Variants in RANBP2 observed in about 807,000 individuals in gnomAD.
RANBP2 encodes the protein RAN binding protein 2.
In RANBP2, 57 loss-of-function variants were observed where a neutral mutation model predicts 303.6. The observed-to-expected ratio is 0.19, with a 90% CI of 0.15 to 0.23. The LOEUF (loss-of-function observed/expected upper bound fraction) is 0.23. Among genes scored for constraint, RANBP2 ranks in the 10% least tolerant of loss-of-function variants. The pLI, the probability that RANBP2 is intolerant of heterozygous loss-of-function variation, is 1.00. For missense variants in RANBP2, 3,138 were observed against 3,780.8 expected (o/e 0.83, Z 4.46); for synonymous variants, 1,167 against 1,301.5 (o/e 0.90, Z 2.23).
the RANBP2 span, among the ~76,000 whole-genome samples, chr2:109,369,772 G>A: frequency 1.1e-4 from 16 of 152,162 alleles, no homozygotes; most frequent in African/African-American, 3.6e-4. Context: ...CAACTCGGAT[G>A]GACACCAAAC....
the RANBP2 span, among the ~76,000 whole-genome samples, chr2:108,949,371 C>G: frequency 2.2e-4 from 34 of 152,268 alleles, no homozygotes; most frequent in African/African-American, 7.9e-4. Context: ...TGCACAATAT[C>G]TGATAATTTT....
chr2:109,031,737 C>T, the RANBP2 span, among the ~76,000 whole-genome samples: 62 of 152,288 alleles, frequency 4.1e-4, no homozygotes, highest in Middle Eastern at 0.014. Context: ...CGGGCGCCGG[C>T]GAGACCTGCG....
chr2:109,357,060 A>T, the RANBP2 span, among the ~76,000 whole-genome samples: 5 of 151,060 alleles, frequency 3.3e-5, no homozygotes, highest in East Asian at 1.9e-4. Context: ...CCTTTTTAAA[A>T]TTTTTTTTTA....
the RANBP2 span, among the ~76,000 whole-genome samples, chr2:108,873,768 C>G: frequency 5.3e-5 from 8 of 152,220 alleles, no homozygotes; most frequent in African/African-American, 1.9e-4. Flanking sequence ...CAAAACAAAA[C>G]CTCATAGTGT....
chr2:109,106,928 C>T, the RANBP2 span, among the ~76,000 whole-genome samples: 2 of 148,294 alleles, frequency 1.3e-5, no homozygotes, highest in Non-Finnish European at 3.0e-5. Flanking sequence ...TTTTGTGGGC[C>T]TTCTCCTTTT....
chr2:108,925,380 G>T, the RANBP2 span, among the ~76,000 whole-genome samples: 1 of 152,238 alleles, frequency 6.6e-6, no homozygotes, highest in Non-Finnish European at 1.5e-5. Flanking sequence ...CATGGGTAAA[G>T]CTCCAAGGCT....
chr2:109,359,738 A>C, the RANBP2 span, among the ~76,000 whole-genome samples: 1 of 152,148 alleles, frequency 6.6e-6, no homozygotes, highest in East Asian at 1.9e-4. Context: ...TTGTAGTCAA[A>C]ATGAAGGCAC....
the RANBP2 span, chr2:109,614,341 C>T: frequency 4.4e-6 from 3 of 689,334 alleles, no homozygotes; most frequent in Admixed American, 4.6e-5. Flanking sequence ...CCCAGTGAGG[C>T]GGTGGCCGAG....
chr2:108,827,409 T>C, the RANBP2 span, among the ~76,000 whole-genome samples: 1 of 152,222 alleles, frequency 6.6e-6, no homozygotes, highest in East Asian at 1.9e-4. Context: ...AACTACAAAT[T>C]TTATTTAATG....
At chr2:109,673,333 G>A in the RANBP2 span, among the ~76,000 whole-genome samples, 1 of 152,084 alleles carries the variant, frequency 6.6e-6, no homozygotes, top group Admixed American at 6.5e-5. Flanking sequence ...CAATCTTTTT[G>A]CCCACATGAG....
intron 13 of RANBP2, 92 bp from the exon 14 acceptor site, chr2:108,753,333 GT>G (rs1676054267): frequency 6.2e-7 from 1 of 1,601,372 alleles, no homozygotes; most frequent in Admixed American, 1.7e-5. Context: ...TGAGATGTTT[GT>G]CTCTTAAGAT....
the RANBP2 span, among the ~76,000 whole-genome samples, chr2:109,415,441 A>G: frequency 1.3e-5 from 2 of 152,198 alleles, no homozygotes; most frequent in Non-Finnish European, 2.9e-5. Context: ...GACTCTGCAC[A>G]GGGCGAGTGC....
At chr2:108,777,349 T>TGTTTA in intron 25 of RANBP2, 118 bp downstream of exon 25, 1 of 709,898 alleles carries the variant, frequency 1.4e-6, no homozygotes. Flanking sequence ...ACCCCCCAGT[T>TGTTTA]TGTTTTAGTG....
the RANBP2 span, among the ~76,000 whole-genome samples, chr2:108,994,988 C>G: frequency 1.3e-5 from 2 of 151,774 alleles, no homozygotes; most frequent in African/African-American, 4.8e-5. Context: ...CGCCACCACG[C>G]CTGGCTAATT....
chr2:109,447,147 TAAAAAA>T, the RANBP2 span, among the ~76,000 whole-genome samples: 6 of 82,704 alleles, frequency 7.3e-5, no homozygotes, highest in African/African-American at 1.5e-4. Flanking sequence ...CCTGAATATT[TAAAAAA>T]AAAAAAAAAA....
At chr2:109,270,261 C>T in the RANBP2 span, among the ~76,000 whole-genome samples, 7 of 152,264 alleles carry the variant, frequency 4.6e-5, no homozygotes, top group East Asian at 1.9e-4. Flanking sequence ...ACACCTGAAG[C>T]GTAACCTTAA....
the RANBP2 span, among the ~76,000 whole-genome samples, chr2:109,447,169 GA>G: frequency 1.7e-5 from 2 of 120,748 alleles, no homozygotes; most frequent in African/African-American, 6.5e-5. Flanking sequence ...AAAAAAAAAA[GA>G]AAAGAAAAAG....
chr2:108,757,047 T>C (rs181277091), intron 17 of RANBP2, among the ~76,000 whole-genome samples: 169 of 152,344 alleles, frequency 1.1e-3, no homozygotes, highest in African/African-American at 3.7e-3. Context: ...AATTTTTAAT[T>C]GAAACACTTG....
At chr2:109,748,667 G>A in the RANBP2 span, among the ~76,000 whole-genome samples, 4 of 144,548 alleles carry the variant, frequency 2.8e-5, no homozygotes, top group Non-Finnish European at 6.0e-5. Context: ...GAGGTCAGGC[G>A]TTCAAAACCA....
Sources: gnomAD v4.1 joint callset for allele counts (sites outside exome capture counted in the v4.1 genomes callset) on GRCh38, gnomAD v4.1.1 for gene constraint, MANE v1.5 for transcripts, NCBI Gene and HGNC (gene_info 2026-07-23, HGNC 2026-07-21) for gene names.